The following DTWD1 variants were observed in gnomAD, a reference collection of about 807,000 sequenced individuals.
DTWD1 encodes the protein tRNA-uridine aminocarboxypropyltransferase 1.
In DTWD1, 27 loss-of-function variants were observed where a neutral mutation model predicts 30.2. The ratio of observed to expected loss-of-function variants is 0.90; its 90% CI spans 0.66 to 1.23. The LOEUF is 1.23. Among genes scored for constraint, DTWD1 ranks in the 50% most tolerant of loss-of-function variants. DTWD1 has a pLI of 0.00. For synonymous variants in DTWD1, 99 were observed against 113.1 expected (o/e 0.88, Z 0.79); for missense variants, 342 against 348.8 (o/e 0.98, Z 0.15).
In DTWD1 at chr15:49,651,565, A is replaced by C. The variant is rs1275828830; in HGVS notation, c.*7987A>C. 1.3e-5 allele frequency: 2 copies of C among 152,130 alleles called. No homozygotes were observed. Among genetic ancestry groups the C allele is most frequent in the African/African-American group, 4.8e-5 (2 of 41,430 alleles). 9.4% of individuals were successfully genotyped at this position (152,130 alleles called of 1,614,324 possible). A position where few individuals can be genotyped will look rare whatever the true frequency, so the allele number is the denominator to read the frequency against. ...GCTGCTGTTGAATGTCCAACCTACA[A>C]GCAACACAGACAATACTGCACCCCT... On this transcript the variant is annotated 3_prime_UTR_variant, in exon 5 of 5. Coordinates refer to ENST00000403028, the MANE Select transcript of DTWD1 (RefSeq NM_001144955.2).
At position 49,653,653 on chromosome 15, in the gene DTWD1, A is replaced by G. The variant is rs1394885017; in HGVS notation, c.*10075A>G. ...TTATGCATTGACAGAATGCTTAGCA[A>G]TAATTTTGCTTGTCTTAATGTGGAA... is the stretch of plus-strand genomic sequence containing the variant. On this transcript the variant is annotated 3_prime_UTR_variant, in exon 5 of 5. Transcript: ENST00000403028. 6.6e-6 allele frequency: 1 copy of G among 152,132 alleles called. No individual in the cohort carries two copies. The highest frequency in any genetic ancestry group is 1.5e-5 in the Non-Finnish European group (1 of 68,004). 9.4% of individuals were successfully genotyped at this position (152,132 alleles called of 1,614,324 possible).
rs901744520 is a variant in DTWD1 at position 49,643,550 on chromosome 15, A to G, written c.887A>G (p.Asp296Gly). Residue 296 changes from aspartate (D) to glycine (G), a missense_variant, in exon 5 of 5, where the codon GAT becomes GGT. Asp to Gly is a moderately conservative substitution (Grantham distance 94). Transcript: ENST00000403028. Reference sequence around the variant, plus strand: ...ATAAAGAATGCCAAATGCTCTGGAGATAAGGAAACAGGAAAACTTACACAT... The same window carrying G: ...ATAAAGAATGCCAAATGCTCTGGAGGTAAGGAAACAGGAAAACTTACACAT... ...QLIKNAKCSG[D>G]KETGKLTH is the part of the protein sequence containing the mutation. 2 of 1,597,782 alleles carry G rather than the reference A, an allele frequency of 1.3e-6. No individual in the cohort carries two copies. The highest frequency in any genetic ancestry group is 1.7e-6 in the Non-Finnish European group (2 of 1,174,728).
chr15:49,643,310 T>TC (rs1257791481), intron 4 of DTWD1, 21 bp from the exon 5 acceptor site: 24 of 1,202,890 alleles, frequency 2.0e-5, no homozygotes, highest in Admixed American at 3.9e-5. Flanking sequence ...TTCTTTCTTT[T>TC]TTTTTTTTTT....
Position 49,632,087 on chromosome 15 carries a change from A to G in DTWD1, c.265-72A>G. 14 of 1,315,626 alleles carry G rather than the reference A, an allele frequency of 1.1e-5. No individual in the cohort carries two copies. In the South Asian group the frequency reaches 2.1e-4, roughly 20 times the overall value. 81.5% of individuals were successfully genotyped at this position (1,315,626 alleles called of 1,614,324 possible). A position where few individuals can be genotyped will look rare whatever the true frequency, so the allele number is the denominator to read the frequency against. On this transcript the variant is annotated intron_variant, in intron 2 of 4. Transcript: ENST00000403028. ...TATTGTGAGCTTCCTATTTAGCTTT[A>G]AAGACCCTTTTTATTAACATAAAAA...
rs1376636731 is a variant in DTWD1 at position 49,647,261 on chromosome 15, CT to C, written c.*3687del. ...TAAATGGCCACACCTTTTATTTGTT[CT>C]TTTCTTTGAGGCCATGTTAATGGCA... On this transcript the variant is annotated 3_prime_UTR_variant, in exon 5 of 5. Coordinates refer to ENST00000403028, the MANE Select transcript of DTWD1 (RefSeq NM_001144955.2). 2 of 152,136 alleles carry C rather than the reference CT, an allele frequency of 1.3e-5. No individual in the cohort carries two copies. The highest frequency in any genetic ancestry group is 4.8e-5 in the African/African-American group (2 of 41,444). 9.4% of individuals were successfully genotyped at this position (152,136 alleles called of 1,614,324 possible).
At chr15:49,630,614 TA>T (rs1015736293) in intron 2 of DTWD1, among the ~76,000 whole-genome samples, 20 of 152,158 alleles carry the variant, frequency 1.3e-4, no homozygotes, top group African/African-American at 4.8e-4. Context: ...AAGAAAAATA[TA>T]ATTTACAAAA....
In DTWD1 at chr15:49,632,322, T is replaced by A; in HGVS notation, c.408+20T>A. ...CATGAAGTAGGCAACTTAGTTTTTA[T>A]AACTCTTCACATTGGATATAAAAAT... On this transcript the variant is annotated intron_variant, in intron 3 of 4. Coordinates refer to ENST00000403028, the MANE Select transcript of DTWD1 (RefSeq NM_001144955.2). 2.5e-6 allele frequency: 4 copies of A among 1,570,458 alleles called. No homozygotes were observed. Among genetic ancestry groups the A allele is most frequent in the Non-Finnish European group, 3.4e-6 (4 of 1,168,558 alleles).
rs146031105 is a variant in DTWD1, at chr15:49,639,925, T to A, written c.668-3406T>A. Among the ~76,000 whole-genome samples the A allele has an allele frequency of 1.1e-3, 164 of 152,298 alleles. 1 individual carries two copies. Among genetic ancestry groups the A allele is most frequent in the African/African-American group, 3.9e-3 (163 of 41,566 alleles). On this transcript the variant is annotated intron_variant, in intron 4 of 4. Transcript: ENST00000403028. ...TAAGCAAAGAGGTTTTGTTTGTTTGTTTTTAACTGTTTTATATTTTTAAAT... is the reference window on the plus strand; with the variant it reads ...TAAGCAAAGAGGTTTTGTTTGTTTGATTTTAACTGTTTTATATTTTTAAAT...
At chr15:49,637,636 GTTACT>G (rs1007097274) in intron 4 of DTWD1, among the ~76,000 whole-genome samples, 66 of 152,134 alleles carry the variant, frequency 4.3e-4, no homozygotes, top group African/African-American at 1.4e-3. Context: ...ATTTAAAACA[GTTACT>G]TTACTTGTCC....
chr15:49,640,202 G>T (rs1407719719), intron 4 of DTWD1, among the ~76,000 whole-genome samples: 2 of 151,852 alleles, frequency 1.3e-5, no homozygotes, highest in African/African-American at 4.8e-5. Flanking sequence ...GCTTTATTTT[G>T]AGCTGTGTGT....
chr15:49,628,821 G>A (rs2153351817), intron 2 of DTWD1, among the ~76,000 whole-genome samples: 1 of 151,978 alleles, frequency 6.6e-6, no homozygotes, highest in African/African-American at 2.4e-5. Context: ...TGTTTTTGTA[G>A]CTTGTAAAAA....
chr15:49,639,172 C>CAG (rs2079036563), intron 4 of DTWD1, among the ~76,000 whole-genome samples: 1 of 152,158 alleles, frequency 6.6e-6, no homozygotes, highest in South Asian at 2.1e-4. Context: ...TAAAGGATGT[C>CAG]ACCCTCACTT....
At position 49,634,566 on chromosome 15, in the gene DTWD1, A is replaced by G. The variant is rs189857837; in HGVS notation, c.439A>G (p.Ile147Val). ...VALIFPGPQS[I>V]SIKDISFHLQ... ...ACTCATTTTTCCTGGACCTCAGTCT[A>G]TCTCAATAAAAGATATTTCTTTTCA... The change falls in exon 4 of 5, where the codon ATC becomes GTC. Residue 147 changes from isoleucine to valine, a missense_variant. Ile to Val is a conservative substitution (Grantham distance 29). Transcript: ENST00000403028. 8 of 1,612,536 alleles carry G rather than the reference A, an allele frequency of 5.0e-6. No homozygotes were observed. Among genetic ancestry groups the G allele is most frequent in the Admixed American group, 3.3e-5 (2 of 59,774 alleles).
intron 1 of DTWD1, among the ~76,000 whole-genome samples, chr15:49,622,843 T>C (rs868083083): frequency 5.3e-5 from 8 of 152,176 alleles, no homozygotes; most frequent in Non-Finnish European, 8.8e-5. Flanking sequence ...ATAGGTGAAC[T>C]AAGAGGTGGA....
chr15:49,622,407 T>C (rs754650760), intron 1 of DTWD1, among the ~76,000 whole-genome samples: 2 of 152,210 alleles, frequency 1.3e-5, no homozygotes, highest in African/African-American at 2.4e-5. Context: ...GATAGAGGAT[T>C]ATATACAAGG....
At position 49,655,907 on chromosome 15, in the gene DTWD1, C is replaced by T. The variant is rs1422775298; in HGVS notation, c.*12329C>T. 1 of 151,948 alleles carries T rather than the reference C, an allele frequency of 6.6e-6. No homozygotes were observed. The allele number at this position is 151,948 out of a possible 1,614,324, so 9.4% of individuals were successfully genotyped here. A position where few individuals can be genotyped will look rare whatever the true frequency, so the allele number is the denominator to read the frequency against. On this transcript the variant is annotated 3_prime_UTR_variant, in exon 5 of 5. Coordinates refer to ENST00000403028, the MANE Select transcript of DTWD1 (RefSeq NM_001144955.2). ...CATAATTTACCTTCCTCTCTAGGCC[C>T]ATCATAAAAATCTTTGAAAAATTAA...
intron 3 of DTWD1, 56 bp from the exon 4 acceptor site, chr15:49,634,480 T>G: frequency 6.7e-7 from 1 of 1,491,812 alleles, no homozygotes; most frequent in Non-Finnish European, 8.9e-7. Context: ...CAATCAAAAT[T>G]TATATATTTT....
chr15:49,647,257 T>C lies in DTWD1; in HGVS notation c.*3679T>C, dbSNP rs1201942553. On this transcript the variant is annotated 3_prime_UTR_variant, in exon 5 of 5. Transcript: ENST00000403028. ...GGAGTAAATGGCCACACCTTTTATT[T>C]GTTCTTTTCTTTGAGGCCATGTTAA... The C allele has an allele frequency of 1.3e-5, 2 of 152,234 alleles. No homozygotes were observed. Among genetic ancestry groups the C allele is most frequent in the African/African-American group, 4.8e-5 (2 of 41,466 alleles). 9.4% of individuals were successfully genotyped at this position (152,234 alleles called of 1,614,324 possible).
At chr15:49,626,910 A>G (rs903198643) in intron 2 of DTWD1, 17 of 297,330 alleles carry the variant, frequency 5.7e-5, no homozygotes, top group Admixed American at 4.9e-4. Flanking sequence ...ATTATTTTCA[A>G]GTTTCCCATT....
Sources: gnomAD v4.1 joint callset for allele counts (sites outside exome capture counted in the v4.1 genomes callset) on GRCh38, gnomAD v4.1.1 for gene constraint, MANE v1.5 for transcripts, NCBI Gene and HGNC (gene_info 2026-07-23, HGNC 2026-07-21) for gene names.